AKAP13: variants seen among roughly 807,000 people sequenced by gnomAD.
AKAP13 encodes A-kinase anchor protein 13.
A neutral mutation model predicts 264.5 loss-of-function variants in AKAP13; 80 were observed. The ratio of observed to expected loss-of-function variants is 0.30; its 90% CI spans 0.25 to 0.36. The LOEUF (loss-of-function observed/expected upper bound fraction) is 0.36. AKAP13 is among the 10% of genes least tolerant of loss of function. The probability of loss-of-function intolerance (pLI) is 1.00; values close to 1 mark genes in which losing one functional copy is unlikely to be tolerated. For synonymous variants in AKAP13, 1,380 were observed against 1,250.2 expected (o/e 1.10, Z -2.19); for missense variants, 3,712 against 3,435.2 (o/e 1.08, Z -2.01).
chr15:85,395,767 G>A (rs1019808283), intron 1 of AKAP13, among the ~76,000 whole-genome samples: 1 of 151,628 alleles, frequency 6.6e-6, no homozygotes, highest in South Asian at 2.1e-4. Flanking sequence ...TGATTTTTCC[G>A]TATTGTCTTT....
At chr15:85,414,791 C>G (rs528616847) in intron 1 of AKAP13, among the ~76,000 whole-genome samples, 52 of 152,310 alleles carry the variant, frequency 3.4e-4, no homozygotes, top group African/African-American at 1.2e-3. Context: ...AAGGAGAGAC[C>G]ATTGACATTT....
intron 1 of AKAP13, among the ~76,000 whole-genome samples, chr15:85,405,491 G>C (rs2071618881): frequency 6.6e-6 from 1 of 152,178 alleles, no homozygotes; most frequent in African/African-American, 2.4e-5. Context: ...AATTCTGGTA[G>C]GGTTGGCAAA....
At chr15:85,469,979 T>TA (rs1468387635) in intron 1 of AKAP13, among the ~76,000 whole-genome samples, 1 of 152,154 alleles carries the variant, frequency 6.6e-6, no homozygotes, top group Non-Finnish European at 1.5e-5. Flanking sequence ...AAGTAACATA[T>TA]AGGGCAGTAC....
rs375313189 is a variant in AKAP13, at chr15:85,459,742, G to A, written c.-11-25968G>A. Among the ~76,000 whole-genome samples the A allele has an allele frequency of 4.6e-5, 7 of 151,842 alleles. No homozygotes were observed. In the East Asian group the frequency reaches 5.8e-4, roughly 13 times the overall value. On this transcript the variant is annotated intron_variant, in intron 1 of 36. Transcript: ENST00000394518. ...TCTCAATCTCCTGACCTTGTGATCC[G>A]CCTGCCTCAGCCTCCCAAAGTGCTG...
Position 85,741,058 on chromosome 15 carries a change from C to T in AKAP13, c.7621C>T (p.Gln2541Ter). 1 of 1,609,308 alleles carries T rather than the reference C, an allele frequency of 6.2e-7. No individual in the cohort carries two copies. ...GTGTGCCTCCCAGGGTGTGGTGCTG[C>T]AGCAGGACAGCTACATTGAGGACCA... ...LLSALQGVVL[Q>*]QDSYIEDQKL... is the part of the protein sequence containing the mutation. The change falls in exon 35 of 37, where the codon CAG (glutamine) becomes TAG (stop). Residue 2541 changes from glutamine to a stop codon, truncating the protein, a stop_gained. Coordinates refer to ENST00000394518, the MANE Select transcript of AKAP13 (RefSeq NM_007200.5). LOFTEE classifies it high-confidence loss of function.
chr15:85,396,016 A>G (rs964205252), intron 1 of AKAP13, among the ~76,000 whole-genome samples: 4 of 76,954 alleles, frequency 5.2e-5, no homozygotes, highest in Admixed American at 1.4e-4. Context: ...TTGACTATAC[A>G]TACATACACA....
At chr15:85,639,558 A>AG in intron 9 of AKAP13, 109 bp downstream of exon 9, 1 of 819,602 alleles carries the variant, frequency 1.2e-6, no homozygotes, top group Non-Finnish European at 2.0e-6. Context: ...AATCAGAGGA[A>AG]GGGATGTATG....
At chr15:85,647,260 T>C (rs918629869) in intron 10 of AKAP13, among the ~76,000 whole-genome samples, 7 of 152,094 alleles carry the variant, frequency 4.6e-5, no homozygotes, top group Admixed American at 3.3e-4. Flanking sequence ...TAGCTGGGCA[T>C]GGTGGCGCGT....
At chr15:85,533,374 A>G (rs999027199) in intron 3 of AKAP13, among the ~76,000 whole-genome samples, 1 of 152,138 alleles carries the variant, frequency 6.6e-6, no homozygotes, top group African/African-American at 2.4e-5. Context: ...TTTTTTGTTA[A>G]GGGAATTCAT....
intron 5 of AKAP13, among the ~76,000 whole-genome samples, chr15:85,559,025 ACT>A (rs1339904574): frequency 6.8e-6 from 1 of 147,792 alleles, no homozygotes; most frequent in Non-Finnish European, 1.5e-5. Flanking sequence ...GTTTGAAATT[ACT>A]TTATTCAGTT....
At chr15:85,505,038 A>G (rs1174112869) in intron 2 of AKAP13, among the ~76,000 whole-genome samples, 3 of 152,198 alleles carry the variant, frequency 2.0e-5, no homozygotes, top group African/African-American at 7.2e-5. Flanking sequence ...TTGCTGGACA[A>G]AAATAGACTT....
At chr15:85,662,262 A>G in intron 12 of AKAP13, 1 of 870,682 alleles carries the variant, frequency 1.1e-6, no homozygotes, top group East Asian at 2.5e-5. Context: ...ACATTCCTAA[A>G]TTTTTTGTTG....
At chr15:85,696,078 G>A (rs1257554435) in intron 17 of AKAP13, among the ~76,000 whole-genome samples, 1 of 152,178 alleles carries the variant, frequency 6.6e-6, no homozygotes, top group Non-Finnish European at 1.5e-5. Context: ...AAGTCCTACT[G>A]TGCCATACTT....
At chr15:85,676,937 C>T (rs897216919) in intron 14 of AKAP13, 37 of 985,314 alleles carry the variant, frequency 3.8e-5, no homozygotes, top group East Asian at 3.4e-4. Flanking sequence ...TGGCATAATC[C>T]GAGCATGCTC....
chr15:85,714,847 A>G (rs1255779315), intron 19 of AKAP13, among the ~76,000 whole-genome samples: 2 of 152,080 alleles, frequency 1.3e-5, no homozygotes, highest in South Asian at 2.1e-4. Context: ...GGTGCCTGTA[A>G]TCCCAGCTAC....
rs766836437 is a variant in AKAP13 at position 85,693,458 on chromosome 15, G to T, written c.5464+7G>T. The T allele has an allele frequency of 6.2e-7, 1 of 1,610,858 alleles. No homozygotes were observed. The highest frequency in any genetic ancestry group is 8.5e-7 in the Non-Finnish European group (1 of 1,179,142). The stretch of plus-strand genomic sequence containing the variant: ...GATGCCTATACTTGTGCAAGTAAGA[G>T]ACATGCTTCTTCCTCTCGTAAGATG... On this transcript the variant is annotated splice_region_variant and intron_variant, in intron 17 of 36. Coordinates refer to ENST00000394518, the MANE Select transcript of AKAP13 (RefSeq NM_007200.5).
intron 1 of AKAP13, among the ~76,000 whole-genome samples, chr15:85,437,392 C>T (rs1420731832): frequency 6.6e-6 from 1 of 152,332 alleles, no homozygotes; most frequent in South Asian, 2.1e-4. Flanking sequence ...ACCAGAGACA[C>T]AAGGAGGAAC....
chr15:85,741,627 G>A, intron 35 of AKAP13, 132 bp downstream of exon 35: 1 of 1,358,886 alleles, frequency 7.4e-7, no homozygotes. Context: ...TGTGATCCCA[G>A]CACTTTAGGA....
In AKAP13 at chr15:85,618,452, CTT is replaced by C. The variant is rs35032696; in HGVS notation, c.4162-20911_4162-20910del. 7.1e-3 allele frequency among the ~76,000 whole-genome samples: 1,053 copies of C among 149,166 alleles called. 12 individuals are homozygous for C. Among genetic ancestry groups the C allele is most frequent in the African/African-American group, 0.022 (903 of 40,562 alleles). On this transcript the variant is annotated intron_variant, in intron 8 of 36. Coordinates refer to ENST00000394518, the MANE Select transcript of AKAP13 (RefSeq NM_007200.5). The stretch of plus-strand genomic sequence containing the variant: ...TCAGCAGCTCCTAGAAAGAGAAATC[CTT>C]TTTTTTTTTTAATCCCTTTTTCTTT...
Sources: gnomAD v4.1 joint callset for allele counts (sites outside exome capture counted in the v4.1 genomes callset) on GRCh38, gnomAD v4.1.1 for gene constraint, MANE v1.5 for transcripts, NCBI Gene and HGNC (gene_info 2026-07-23, HGNC 2026-07-21) for gene names.